ZNF397: variants seen among roughly 807,000 people sequenced by gnomAD.
ZNF397 encodes zinc finger protein 397, also known as zinc finger and SCAN domain-containing protein 15.
ZNF397 carries 38 observed loss-of-function variants against 50.6 expected under a neutral mutation model. The observed-to-expected ratio is 0.75, with a 90% CI of 0.58 to 0.98. The LOEUF (loss-of-function observed/expected upper bound fraction) is 0.98. Among genes scored for constraint, ZNF397 ranks in the 50% least tolerant of loss-of-function variants. ZNF397 has a pLI of 0.00. For synonymous variants in ZNF397, 228 were observed against 215.2 expected, an observed-to-expected ratio of 1.06 and a Z score of -0.52; for missense variants, 624 against 624.1, an observed-to-expected ratio of 1.00 and a Z score of 0.00.
Position 35,242,561 on chromosome 18 carries a change from T to C in ZNF397, c.91T>C (p.Ser31Pro). The C allele has an allele frequency of 1.2e-6, 2 of 1,614,240 alleles. No homozygotes were observed. Among genetic ancestry groups the C allele is most frequent in the South Asian group, 1.1e-5 (1 of 91,086 alleles). Residue 31 changes from serine (S) to proline (P), a missense_variant, in exon 2 of 4, where the codon TCC (serine) becomes CCC (proline). Ser to Pro is a moderately conservative substitution (Grantham distance 74). Transcript: ENST00000330501. ...ACTAGTGAAAGTAGAAGATAACTTTTCCTGGGATGAGAAATTTAAGCAGAA... is the reference window on the plus strand; with the variant it reads ...ACTAGTGAAAGTAGAAGATAACTTTCCCTGGGATGAGAAATTTAAGCAGAA... ...LILVKVEDNFSWDEKFKQNGS... is the reference protein window; with the variant it reads ...LILVKVEDNFPWDEKFKQNGS...
At chr18:35,253,721 T>G, downstream of ZNF397, 1 of 1,613,618 alleles carries the variant, frequency 6.2e-7, no homozygotes, top group Admixed American at 1.7e-5. Flanking sequence ...AGTGTGAATT[T>G]TCTTATGCTG....
chr18:35,254,208 C>T (rs377480730), downstream of ZNF397: 2 of 1,614,030 alleles, frequency 1.2e-6, no homozygotes, highest in African/African-American at 2.7e-5. Flanking sequence ...TTGTTCCCTG[C>T]AGCATTTCCC....
intron 3 of ZNF397, among the ~76,000 whole-genome samples, chr18:35,244,831 A>C (rs1241199951): frequency 6.6e-6 from 1 of 152,190 alleles, no homozygotes; most frequent in Admixed American, 6.5e-5. Context: ...CTTTCACTTG[A>C]AAGGCTGCAG....
At position 35,257,998 on chromosome 18, in the gene ZNF397, C is replaced by T. The variant is rs370066749; in HGVS notation, c.*60C>T. On this transcript the variant is annotated 3_prime_UTR_variant, in exon 6 of 6. Transcript: ENST00000261333. Reference sequence around the variant, plus strand: ...TCTCCATCTCAGGCGCTACTTCTGGCAAGGCATATCATGAGGCTAGTGAAG... The same window carrying T: ...TCTCCATCTCAGGCGCTACTTCTGGTAAGGCATATCATGAGGCTAGTGAAG... The T allele has an allele frequency of 7.7e-5, 60 of 780,884 alleles. No individual in the cohort carries two copies. The African/African-American group carries it at 9.6e-4, about 13-fold the overall frequency. The allele number at this position is 780,884 out of a possible 1,614,324, so 48.4% of individuals were successfully genotyped here. A position where few individuals can be genotyped will look rare whatever the true frequency, so the allele number is the denominator to read the frequency against.
chr18:35,245,474 G>T lies in ZNF397; in HGVS notation c.769G>T (p.Asp257Tyr), dbSNP rs2043461279. The T allele has an allele frequency of 1.3e-6, 2 of 1,552,926 alleles. No homozygotes were observed. The highest frequency in any genetic ancestry group is 4.9e-5 in the East Asian group (2 of 40,942). The change falls in exon 4 of 4, where the codon GAC (aspartate) becomes TAC (tyrosine). Residue 257 changes from aspartate (D) to tyrosine (Y), a missense_variant. By Grantham distance (160) the Asp-to-Tyr change is radical. Coordinates refer to ENST00000330501, the MANE Select transcript of ZNF397 (RefSeq NM_001135178.3). ...IFTNKSLGKRDLYDEAERCLI... is the reference protein window; with the variant it reads ...IFTNKSLGKRYLYDEAERCLI... ...CACAAACAAATCTCTAGGAAAGAGA[G>T]ACCTTTATGATGAGGCTGAAAGATG...
intron 5 of ZNF397, among the ~76,000 whole-genome samples, chr18:35,256,763 G>A (rs1357771525): frequency 6.7e-6 from 1 of 150,102 alleles, no homozygotes; most frequent in Admixed American, 6.6e-5. Flanking sequence ...TTCTGTTTTT[G>A]TTGTTGTTGT....
chr18:35,254,195 A>G, downstream of ZNF397: 1 of 1,614,100 alleles, frequency 6.2e-7, no homozygotes, highest in Non-Finnish European at 8.5e-7. Context: ...AAGCTGACTG[A>G]TTTTGTTCCC....
At position 35,249,200 on chromosome 18, in the gene ZNF397, G is replaced by A. The variant is rs2043530143; in HGVS notation, c.*2890G>A. Reference sequence around the variant, plus strand: ...AACAGACAGGGATTCAGGGACATTGGGACTCTAATGCTGCTGGTAAGACAT... The same window carrying A: ...AACAGACAGGGATTCAGGGACATTGAGACTCTAATGCTGCTGGTAAGACAT... On this transcript the variant is annotated 3_prime_UTR_variant, in exon 4 of 4. Transcript: ENST00000330501. 1 of 152,122 alleles carries A rather than the reference G, an allele frequency of 6.6e-6. No homozygotes were observed. Among genetic ancestry groups the A allele is most frequent in the African/African-American group, 2.4e-5 (1 of 41,400 alleles). The allele number at this position is 152,122 out of a possible 1,614,324, so 9.4% of individuals were successfully genotyped here. A position where few individuals can be genotyped will look rare whatever the true frequency, so the allele number is the denominator to read the frequency against.
downstream of ZNF397, chr18:35,252,749 C>T (rs1199278045): frequency 6.6e-6 from 1 of 152,174 alleles, no homozygotes; most frequent in African/African-American, 2.4e-5. Context: ...ACTGTAATTA[C>T]TGTTTAGTAT....
Position 35,246,110 on chromosome 18 carries a change from A to G in ZNF397, c.1405A>G (p.Ile469Val). ...AGCTTTCAGTTTGAGCTCAAACCTT[A>G]TCAGACATCAGAGAATTCATAGTGG... The part of the protein sequence containing the change: ...GKAFSLSSNL[I>V]RHQRIHSGEE... Residue 469 changes from isoleucine to valine, a missense_variant, in exon 4 of 4, where the codon ATC becomes GTC. Physicochemically the swap from Ile to Val is conservative, Grantham distance 29. Transcript: ENST00000330501. The G allele has an allele frequency of 3.2e-6, 5 of 1,552,828 alleles. No homozygotes were observed. The highest frequency in any genetic ancestry group is 4.4e-6 in the Non-Finnish European group (5 of 1,147,590).
Position 35,245,873 on chromosome 18 carries a change from A to T in ZNF397, c.1168A>T (p.Ile390Phe), listed in dbSNP as rs775961597. 6.4e-7 allele frequency: 1 copy of T among 1,556,706 alleles called. No homozygotes were observed. Among genetic ancestry groups the T allele is most frequent in the Non-Finnish European group, 8.7e-7 (1 of 1,149,966 alleles). The change falls in exon 4 of 4, where the codon ATT (isoleucine) becomes TTT (phenylalanine). Residue 390 changes from isoleucine to phenylalanine, a missense_variant. Coordinates refer to ENST00000330501, the MANE Select transcript of ZNF397 (RefSeq NM_001135178.3). The stretch of plus-strand genomic sequence containing the variant: ...TTCATATCTCATTATACATCAAAGA[A>T]TTCACACTGGTGAGAAACCTTATGA... The part of the protein sequence containing the change: ...QSSYLIIHQR[I>F]HTGEKPYECN...
intron 3 of ZNF397, 55 bp from the exon 4 acceptor site, chr18:35,245,207 T>C: frequency 2.0e-6 from 3 of 1,487,320 alleles, no homozygotes; most frequent in Non-Finnish European, 2.7e-6. Flanking sequence ...TGTAGAAAGT[T>C]TTGACGGTGA....
At chr18:35,256,230 T>C (rs1296998864) in intron 5 of ZNF397, 1 of 152,300 alleles carries the variant, frequency 6.6e-6, no homozygotes, top group African/African-American at 2.4e-5. Flanking sequence ...AATAAATAGC[T>C]AACTAGAGTA....
chr18:35,250,408 G>A (rs888879871), downstream of ZNF397, among the ~76,000 whole-genome samples: 2 of 152,198 alleles, frequency 1.3e-5, no homozygotes, highest in African/African-American at 4.8e-5. Flanking sequence ...AGTAATTCAT[G>A]CCTTTCCCTT....
chr18:35,253,648 A>C, downstream of ZNF397: 3 of 1,614,140 alleles, frequency 1.9e-6, no homozygotes, highest in Non-Finnish European at 1.7e-6. Flanking sequence ...TTTGATGTTC[A>C]ATAAGGATAG....
Position 35,246,762 on chromosome 18 carries a change from G to A in ZNF397, c.*452G>A. 8.1e-6 allele frequency: 8 copies of A among 987,722 alleles called. No homozygotes were observed. The highest frequency in any genetic ancestry group is 9.6e-6 in the Non-Finnish European group (8 of 831,784). The allele number at this position is 987,722 out of a possible 1,614,324, so 61.2% of individuals were successfully genotyped here. A position where few individuals can be genotyped will look rare whatever the true frequency, so the allele number is the denominator to read the frequency against. On this transcript the variant is annotated 3_prime_UTR_variant, in exon 4 of 4. Coordinates refer to ENST00000330501, the MANE Select transcript of ZNF397 (RefSeq NM_001135178.3). ...GAACAGTGACAGAGCAGCAGGAAAG[G>A]TGGGGAAATGGCTTCATCAATGATT... is the stretch of plus-strand genomic sequence containing the variant.
At chr18:35,242,189 CATT>C (rs1347464050) in intron 1 of ZNF397, among the ~76,000 whole-genome samples, 199 bp from the exon 2 acceptor site, 2 of 152,192 alleles carry the variant, frequency 1.3e-5, no homozygotes, top group African/African-American at 4.8e-5. Flanking sequence ...TTTTTTCTAA[CATT>C]AGTGGTAGGA....
At chr18:35,245,123 C>G in intron 3 of ZNF397, 139 bp from the exon 4 acceptor site, 1 of 1,138,900 alleles carries the variant, frequency 8.8e-7, no homozygotes. Context: ...GAGAGACCCT[C>G]TTTTGGCCAG....
At position 35,249,385 on chromosome 18, in the gene ZNF397, C is replaced by T. The variant is rs535376909; in HGVS notation, c.*3075C>T. On this transcript the variant is annotated 3_prime_UTR_variant, in exon 4 of 4. Transcript: ENST00000330501. ...TGATGTCACAGGCCAGGCACAGTGG[C>T]TCATGCCTGTAATCCCAGCACTTTG... The T allele has an allele frequency of 6.6e-6, 1 of 152,426 alleles. No individual in the cohort carries two copies. Among genetic ancestry groups the T allele is most frequent in the South Asian group, 2.1e-4 (1 of 4,832 alleles). 9.4% of individuals were successfully genotyped at this position (152,426 alleles called of 1,614,324 possible).
Sources: gnomAD v4.1 joint callset for allele counts (sites outside exome capture counted in the v4.1 genomes callset) on GRCh38, gnomAD v4.1.1 for gene constraint, MANE v1.5 for transcripts, NCBI Gene and HGNC (gene_info 2026-07-23, HGNC 2026-07-21) for gene names.